The following TMEM234 variants were observed in gnomAD, a reference collection of about 807,000 sequenced individuals.
TMEM234 encodes transmembrane protein 234, also known as chromosome 1 open reading frame 91.
Under a neutral mutation model 17.8 loss-of-function variants are expected in TMEM234, and 21 were observed. The ratio of observed to expected loss-of-function variants is 1.18; its 90% CI spans 0.84 to 1.70. The LOEUF is 1.70. Ranked by LOEUF, TMEM234 falls within the 40% of genes most tolerant of loss-of-function variation. The pLI, the probability that TMEM234 is intolerant of heterozygous loss-of-function variation, is 0.00. For synonymous variants in TMEM234, 83 were observed against 73.5 expected (o/e 1.13, Z -0.66); for missense variants, 137 against 166.9 (o/e 0.82, Z 0.99).
downstream of TMEM234, chr1:32,214,799 C>G: frequency 6.2e-7 from 1 of 1,613,896 alleles, no homozygotes; most frequent in Non-Finnish European, 8.5e-7. Flanking sequence ...TTCTCTAGGC[C>G]CAAGGCCACA....
At chr1:32,215,052 G>GT, downstream of TMEM234, 2 of 1,252,198 alleles carry the variant, frequency 1.6e-6, no homozygotes, top group Non-Finnish European at 2.1e-6. Flanking sequence ...AGCCGGCACT[G>GT]GAAAAAAAAA....
rs146923152 is a variant in TMEM234, at chr1:32,221,199, T to C, written c.169-2A>G. ...GTTGAGGAGAAAGGGCATCAGGTAC[T>C]GGAAAGAGGAGAAACCTGCAGTCAG... On this transcript the variant is annotated splice_acceptor_variant, in intron 2 of 4. Coordinates refer to ENST00000309777, the MANE Select transcript of TMEM234 (RefSeq NM_019118.5). LOFTEE classifies it high-confidence loss of function. 65 of 1,612,760 alleles carry C rather than the reference T, an allele frequency of 4.0e-5. No individual in the cohort carries two copies. Among genetic ancestry groups the C allele is most frequent in the Non-Finnish European group, 5.3e-5 (63 of 1,179,426 alleles).
downstream of TMEM234, chr1:32,215,460 G>A (rs1163568891): frequency 9.9e-6 from 16 of 1,613,000 alleles, no homozygotes; most frequent in Non-Finnish European, 1.0e-5. Flanking sequence ...AGTATATGGA[G>A]CTCCCCACCG....
At chr1:32,218,928 G>C (rs971747652) in intron 3 of TMEM234, among the ~76,000 whole-genome samples, 1 of 151,720 alleles carries the variant, frequency 6.6e-6, no homozygotes, top group South Asian at 2.1e-4. Flanking sequence ...ACACAGCAAG[G>C]CTCCATCTCA....
At chr1:32,219,329 C>A (rs1235974960) in intron 3 of TMEM234, among the ~76,000 whole-genome samples, 1 of 152,182 alleles carries the variant, frequency 6.6e-6, no homozygotes, top group Non-Finnish European at 1.5e-5. Context: ...GAGGCATTAC[C>A]CATCTAAGAA....
intron 3 of TMEM234, among the ~76,000 whole-genome samples, chr1:32,220,254 G>A (rs1638771376): frequency 6.6e-6 from 1 of 152,174 alleles, no homozygotes; most frequent in South Asian, 2.1e-4. Flanking sequence ...TCAGCTCACT[G>A]CAACCTCCGC....
Position 32,222,337 on chromosome 1 carries a change from C to A in TMEM234, c.-15G>T, listed in dbSNP as rs750593772. 9.6e-6 allele frequency: 15 copies of A among 1,564,844 alleles called. No homozygotes were observed. The highest frequency in any genetic ancestry group is 1.3e-5 in the Non-Finnish European group (15 of 1,152,116). On this transcript the variant is annotated 5_prime_UTR_variant, in exon 1 of 5. Transcript: ENST00000309777. ...GACGCCGCCATGGCAACGCCGCTGT[C>A]TTCTACTTCCGGGAACGAAGGGGCG...
intron 3 of TMEM234, among the ~76,000 whole-genome samples, chr1:32,218,804 G>T (rs1638640000): frequency 6.6e-6 from 1 of 152,174 alleles, no homozygotes; most frequent in Non-Finnish European, 1.5e-5. Context: ...CAGGCATGGT[G>T]GTGCATGCCT....
downstream of TMEM234, chr1:32,215,835 C>T: frequency 1.9e-6 from 3 of 1,553,156 alleles, no homozygotes; most frequent in South Asian, 3.6e-5. Flanking sequence ...GGCCTTGTCC[C>T]TGGAAAACCA....
chr1:32,214,869 T>C (rs779284733), downstream of TMEM234: 3 of 1,613,858 alleles, frequency 1.9e-6, no homozygotes, highest in Non-Finnish European at 1.7e-6. Flanking sequence ...ATCTGCTTTC[T>C]ATGCCAGACC....
Position 32,216,301 on chromosome 1 carries a change from A to C in TMEM234, c.*552T>G. 1.3e-6 allele frequency: 2 copies of C among 1,507,580 alleles called. No individual in the cohort carries two copies. Among genetic ancestry groups the C allele is most frequent in the Non-Finnish European group, 1.8e-6 (2 of 1,125,292 alleles). The allele number at this position is 1,507,580 out of a possible 1,614,324, so 93.4% of individuals were successfully genotyped here. A position where few individuals can be genotyped will look rare whatever the true frequency, so the allele number is the denominator to read the frequency against. ...CTCTACCTGTTTAAGAGGGGCTGGC[A>C]GTGAGGATTTCTGCCTACCTCATGG... On this transcript the variant is annotated 3_prime_UTR_variant, in exon 5 of 5. Coordinates refer to ENST00000309777, the MANE Select transcript of TMEM234 (RefSeq NM_019118.5).
Position 32,216,856 on chromosome 1 carries a change from A to C in TMEM234, c.420T>G (p.Leu140=). ...VSKTQGQQST[L] ...GCTGGAAGTGGGTTCGGCCCACTCA[A>C]AGGGTAGACTGTTGCCCCTGGGTCT... The change falls in exon 5 of 5, where the codon CTT becomes CTG. Residue 140 remains leucine, a synonymous_variant. Coordinates refer to ENST00000309777, the MANE Select transcript of TMEM234 (RefSeq NM_019118.5). 1 of 1,614,078 alleles carries C rather than the reference A, an allele frequency of 6.2e-7. No individual in the cohort carries two copies. The highest frequency in any genetic ancestry group is 8.5e-7 in the Non-Finnish European group (1 of 1,180,000).
At chr1:32,215,629 C>A (rs1638321250), downstream of TMEM234, 4 of 1,290,346 alleles carry the variant, frequency 3.1e-6, no homozygotes, top group African/African-American at 3.0e-5. Flanking sequence ...AGGAACAGTT[C>A]TCCTCCCTTG....
Position 32,221,859 on chromosome 1 carries a change from A to G in TMEM234, c.168+8T>C, listed in dbSNP as rs773525795. On this transcript the variant is annotated splice_region_variant and intron_variant, in intron 2 of 4. Transcript: ENST00000309777. ...CCACCGAGAGAGGGGCCTTTCACAG[A>G]GACGCACCTCAGTATTCAAGAAGAG... 2 of 1,612,758 alleles carry G rather than the reference A, an allele frequency of 1.2e-6. No homozygotes were observed. The highest frequency in any genetic ancestry group is 1.7e-5 in the Admixed American group (1 of 59,928).
At chr1:32,215,459 A>G (rs1638300523), downstream of TMEM234, 1 of 1,612,758 alleles carries the variant, frequency 6.2e-7, no homozygotes. Context: ...GAGTATATGG[A>G]GCTCCCCACC....
At position 32,221,870 on chromosome 1, in the gene TMEM234, A is replaced by C; in HGVS notation, c.165T>G (p.Thr55=). 1 of 1,612,578 alleles carries C rather than the reference A, an allele frequency of 6.2e-7. No individual in the cohort carries two copies. Among genetic ancestry groups the C allele is most frequent in the Non-Finnish European group, 8.5e-7 (1 of 1,179,904 alleles). Residue 55 remains threonine, a synonymous_variant, in exon 2 of 5, where the codon ACT becomes ACG. Transcript: ENST00000309777. The stretch of plus-strand genomic sequence containing the variant: ...GGGGCCTTTCACAGAGACGCACCTC[A>C]GTATTCAAGAAGAGGGTCTTCATCT... ...LQEMKTLFLN[T]EYLMPFLLNQ... is the part of the protein sequence containing the mutation.
chr1:32,220,051 G>A (rs374931950), intron 3 of TMEM234, among the ~76,000 whole-genome samples: 8 of 152,184 alleles, frequency 5.3e-5, no homozygotes, highest in African/African-American at 1.9e-4. Context: ...ACCTAAAACT[G>A]CAATTTGATT....
At position 32,216,824 on chromosome 1, in the gene TMEM234, C is replaced by CAGCAG. The variant is rs1277177158; in HGVS notation, c.*24_*28dup. On this transcript the variant is annotated 3_prime_UTR_variant, in exon 5 of 5. Coordinates refer to ENST00000309777, the MANE Select transcript of TMEM234 (RefSeq NM_019118.5). ...TCATGGCCCAGGGGCTTCCTGGAGG[C>CAGCAG]AGCAGAGCTGGAAGTGGGTTCGGCC... 6.2e-7 allele frequency: 1 copy of CAGCAG among 1,612,696 alleles called. No individual in the cohort carries two copies. The highest frequency in any genetic ancestry group is 1.1e-5 in the South Asian group (1 of 90,686).
At chr1:32,217,622 C>A (rs574650359) in intron 3 of TMEM234, 27 of 668,092 alleles carry the variant, frequency 4.0e-5, no homozygotes, top group Non-Finnish European at 3.4e-5. Context: ...AAAGAGAACT[C>A]GTGAGATCTC....
Sources: gnomAD v4.1 joint callset for allele counts (sites outside exome capture counted in the v4.1 genomes callset) on GRCh38, gnomAD v4.1.1 for gene constraint, MANE v1.5 for transcripts, NCBI Gene and HGNC (gene_info 2026-07-23, HGNC 2026-07-21) for gene names.